Variants in TMEM269 observed in about 807,000 individuals in gnomAD.
TMEM269 encodes the protein transmembrane protein 269.
A neutral mutation model predicts 15.8 loss-of-function variants in TMEM269; 12 were observed. The ratio of observed to expected loss-of-function variants is 0.76; its 90% CI spans 0.49 to 1.23. TMEM269 has a LOEUF of 1.23. Ranked by LOEUF, TMEM269 falls within the 50% of genes most tolerant of loss-of-function variation. The probability of loss-of-function intolerance (pLI) is 0.00; values close to 1 mark genes in which losing one functional copy is unlikely to be tolerated. For missense variants in TMEM269, 211 were observed against 245.4 expected (o/e 0.86, Z 0.94); for synonymous variants, 93 against 99.3 (o/e 0.94, Z 0.38).
chr1:42,792,053 T>TTA (rs1319138506), intron 2 of TMEM269, among the ~76,000 whole-genome samples: 3 of 151,618 alleles, frequency 2.0e-5, no homozygotes, highest in Non-Finnish European at 4.4e-5. Flanking sequence ...AAACAAGAAA[T>TTA]TAATAGAGAA....
At chr1:42,798,007 G>T in intron 5 of TMEM269, 91 bp from the exon 6 acceptor site, 1 of 1,435,126 alleles carries the variant, frequency 7.0e-7, no homozygotes, top group South Asian at 1.2e-5. Context: ...GAAAAGTAAA[G>T]AATGGGAGGG....
chr1:42,795,928 C>A (rs1165677776), intron 5 of TMEM269, among the ~76,000 whole-genome samples: 1 of 152,182 alleles, frequency 6.6e-6, no homozygotes. Flanking sequence ...CAGGAGCTGG[C>A]TCCTCCTATG....
Position 42,797,398 on chromosome 1 carries a change from C to T in TMEM269, c.485-700C>T, listed in dbSNP as rs1036052682. Among the ~76,000 whole-genome samples the T allele has an allele frequency of 3.9e-5, 6 of 152,242 alleles. No individual in the cohort carries two copies. In the East Asian group the frequency reaches 1.2e-3, roughly 29 times the overall value. Reference sequence around the variant, plus strand: ...TCCTCAGCACTGAATTGTGATAATACAATAAAGTGTTGGCTACCAGGGAAA... The same window carrying T: ...TCCTCAGCACTGAATTGTGATAATATAATAAAGTGTTGGCTACCAGGGAAA... On this transcript the variant is annotated intron_variant, in intron 5 of 5. Coordinates refer to ENST00000637012, the MANE Select transcript of TMEM269 (RefSeq NM_001354602.2). The surrounding 1 kb of genome is among the most constrained non-coding windows in gnomAD (Gnocchi z 4.9).
In TMEM269 at chr1:42,798,097, G is replaced by C. The variant is rs1295046103; in HGVS notation, c.485-1G>C. 6.4e-7 allele frequency: 1 copy of C among 1,551,026 alleles called. No homozygotes were observed. Among genetic ancestry groups the C allele is most frequent in the Non-Finnish European group, 8.7e-7 (1 of 1,147,096 alleles). On this transcript the variant is annotated splice_acceptor_variant, in intron 5 of 5. Transcript: ENST00000637012. LOFTEE classifies it high-confidence loss of function. ...AGTGTCTGCACTTTTTGTTCTTCCA[G>C]GTGTCATCATGCTGTTTTTCTCCCC...
Position 42,799,040 on chromosome 1 carries a change from G to C in TMEM269, c.*815G>C, listed in dbSNP as rs1213629520. 1.3e-5 allele frequency: 2 copies of C among 151,866 alleles called. No individual in the cohort carries two copies. Among genetic ancestry groups the C allele is most frequent in the African/African-American group, 2.4e-5 (1 of 41,326 alleles). 9.4% of individuals were successfully genotyped at this position (151,866 alleles called of 1,614,324 possible). A position where few individuals can be genotyped will look rare whatever the true frequency, so the allele number is the denominator to read the frequency against. ...ATTACAAGCGTGAGCCACCGCGCCCGGCCTACATTCTGTATTTTAATAGTT... is the reference window on the plus strand; with the variant it reads ...ATTACAAGCGTGAGCCACCGCGCCCCGCCTACATTCTGTATTTTAATAGTT... On this transcript the variant is annotated 3_prime_UTR_variant, in exon 6 of 6. Coordinates refer to ENST00000637012, the MANE Select transcript of TMEM269 (RefSeq NM_001354602.2).
chr1:42,789,241 T>A (rs1282227660), intron 1 of TMEM269: 1 of 588,458 alleles, frequency 1.7e-6, no homozygotes, highest in Non-Finnish European at 3.0e-6. Flanking sequence ...AGTTTTAATC[T>A]GCCGTCTCTT....
At chr1:42,793,527 TCC>T in intron 3 of TMEM269, 72 bp from the exon 4 acceptor site, 1 of 1,420,012 alleles carries the variant, frequency 7.0e-7, no homozygotes, top group South Asian at 1.4e-5. Flanking sequence ...CTACCCCAGC[TCC>T]CCTACTAGAT....
rs968008894 is a variant in TMEM269 at position 42,788,537 on chromosome 1, C to G, written c.-98-1259C>G. Among the ~76,000 whole-genome samples, 1 of 152,076 alleles carries G rather than the reference C, an allele frequency of 6.6e-6. No homozygotes were observed. Among genetic ancestry groups the G allele is most frequent in the African/African-American group, 2.4e-5 (1 of 41,410 alleles). ...AGACTGTGAAGATGGGCAGGGCCAG[C>G]CAATTCCCTGTTGTGGGAGAGACTG... On this transcript the variant is annotated intron_variant, in intron 1 of 5. Coordinates refer to ENST00000637012, the MANE Select transcript of TMEM269 (RefSeq NM_001354602.2). The surrounding 1 kb of genome is among the most constrained non-coding windows in gnomAD (Gnocchi z 4.0).
intron 3 of TMEM269, 80 bp from the exon 4 acceptor site, chr1:42,793,521 C>T (rs1171092639): frequency 3.5e-6 from 5 of 1,419,474 alleles, no homozygotes; most frequent in Non-Finnish European, 4.7e-6. Context: ...TTATCACTAC[C>T]CCAGCTCCCC....
Position 42,794,606 on chromosome 1 carries a change from T to C in TMEM269, c.477T>C (p.Tyr159=). ...CTGAGAACTGGAAAAAATTGGTTTA[T>C]ATAGGAGGTGAGTGAAAATGTCACT... ...LESENWKKLV[Y]IGGVIMLFFS... Residue 159 remains tyrosine, a synonymous_variant, in exon 5 of 6, where the codon TAT becomes TAC. Coordinates refer to ENST00000637012, the MANE Select transcript of TMEM269 (RefSeq NM_001354602.2). The C allele has an allele frequency of 6.5e-7, 1 of 1,550,218 alleles. No homozygotes were observed.
At chr1:42,794,340 G>A in intron 4 of TMEM269, 73 bp from the exon 5 acceptor site, 1 of 1,163,226 alleles carries the variant, frequency 8.6e-7, no homozygotes, top group Non-Finnish European at 1.2e-6. Context: ...TACCCAAAGA[G>A]AGAGGGGCTT....
chr1:42,789,801 G>A lies in TMEM269; in HGVS notation c.-93G>A. 2 of 1,511,232 alleles carry A rather than the reference G, an allele frequency of 1.3e-6. No homozygotes were observed. Among genetic ancestry groups the A allele is most frequent in the Admixed American group, 2.0e-5 (1 of 50,952 alleles). 93.6% of individuals were successfully genotyped at this position (1,511,232 alleles called of 1,614,324 possible). On this transcript the variant is annotated 5_prime_UTR_variant, in exon 2 of 6. Coordinates refer to ENST00000637012, the MANE Select transcript of TMEM269 (RefSeq NM_001354602.2). ...CCCTCTCTCTTGGGCCCCAGGTAAGGGTACCAGTTTCTTCCTGAGCCATGA... is the reference window on the plus strand; with the variant it reads ...CCCTCTCTCTTGGGCCCCAGGTAAGAGTACCAGTTTCTTCCTGAGCCATGA...
At chr1:42,795,275 G>A (rs2124222323) in intron 5 of TMEM269, among the ~76,000 whole-genome samples, 1 of 152,348 alleles carries the variant, frequency 6.6e-6, no homozygotes, top group South Asian at 2.1e-4. Context: ...CATTAGTGGA[G>A]CAATGTGGCT....
At chr1:42,786,056 T>C (rs1653537778) in intron 1 of TMEM269, among the ~76,000 whole-genome samples, 1 of 152,152 alleles carries the variant, frequency 6.6e-6, no homozygotes, top group South Asian at 2.1e-4. Context: ...AATGAGTAAG[T>C]GGAAGACCAT....
At chr1:42,794,327 G>A in intron 4 of TMEM269, 86 bp from the exon 5 acceptor site, 1 of 956,410 alleles carries the variant, frequency 1.0e-6, no homozygotes, top group Non-Finnish European at 1.6e-6. Context: ...CTGGGTAGGG[G>A]AATACCCAAA....
rs1309176245 is a variant in TMEM269, at chr1:42,797,569, C to G, written c.485-529C>G. ...TGGACAGTCTAGGAACAGTGAGACA[C>G]TCTTATCAGTTGGGGAAAGTTTTAT... On this transcript the variant is annotated intron_variant, in intron 5 of 5. Coordinates refer to ENST00000637012, the MANE Select transcript of TMEM269 (RefSeq NM_001354602.2). The surrounding 1 kb of genome is among the most constrained non-coding windows in gnomAD (Gnocchi z 4.9). 6.6e-6 allele frequency among the ~76,000 whole-genome samples: 1 copy of G among 152,190 alleles called. No individual in the cohort carries two copies. The highest frequency in any genetic ancestry group is 1.5e-5 in the Non-Finnish European group (1 of 68,044).
Position 42,791,496 on chromosome 1 carries a change from A to T in TMEM269, c.42-1309A>T, listed in dbSNP as rs560524084. Among the ~76,000 whole-genome samples, 4 of 152,356 alleles carry T rather than the reference A, an allele frequency of 2.6e-5. No individual in the cohort carries two copies. The South Asian group carries it at 8.3e-4, about 32-fold the overall frequency. ...GATAAAAGAAGAAGTCTCACGAAAC[A>T]TTGAAAATGTTTTGAACTAAAAAAA... On this transcript the variant is annotated intron_variant, in intron 2 of 5. Transcript: ENST00000637012.
intron 1 of TMEM269, among the ~76,000 whole-genome samples, chr1:42,789,074 C>T (rs775399050): frequency 2.0e-4 from 31 of 152,096 alleles, no homozygotes; most frequent in East Asian, 3.9e-4. Context: ...AGGCATGCAC[C>T]GCCACACCCG....
At position 42,789,518 on chromosome 1, in the gene TMEM269, G is replaced by C. The variant is rs767187254; in HGVS notation, c.-98-278G>C. The C allele has an allele frequency of 5.2e-6, 8 of 1,532,678 alleles. No homozygotes were observed. In the South Asian group the frequency reaches 9.5e-5, roughly 18 times the overall value. The allele number at this position is 1,532,678 out of a possible 1,614,324, so 94.9% of individuals were successfully genotyped here. ...TATGGACTGGAGGGATGTCTGTGCT[G>C]TGGGGCAAAGGTGCAGTCAGAGAGG... On this transcript the variant is annotated intron_variant, in intron 1 of 5. Transcript: ENST00000637012.
Sources: allele counts gnomAD v4.1 joint callset (sites outside exome capture counted in the v4.1 genomes callset), GRCh38; gene constraint gnomAD v4.1.1; non-coding constraint Gnocchi (gnomAD v3.1); transcripts MANE v1.5; gene names NCBI Gene and HGNC (gene_info 2026-07-23, HGNC 2026-07-21).